Variants in PCDHGA3 observed in about 807,000 individuals in gnomAD.
PCDHGA3 encodes the protein protocadherin gamma subfamily A, 3.
Under a neutral mutation model 58.5 loss-of-function variants are expected in PCDHGA3, and 40 were observed. The ratio of observed to expected loss-of-function variants is 0.68; its 90% CI spans 0.53 to 0.89. The LOEUF is 0.89. Ranked by LOEUF, PCDHGA3 falls within the 40% of genes least tolerant of loss-of-function variation. The pLI is 0.00. For synonymous variants in PCDHGA3, 530 were observed against 525.7 expected (o/e 1.01, Z -0.11); for missense variants, 1,223 against 1,195.9 (o/e 1.02, Z -0.33).
chr5:141,510,272 TA>T (rs546154379), intron 3 of PCDHGA3, among the ~76,000 whole-genome samples: 4,704 of 130,308 alleles, frequency 0.036, 80 homozygotes, highest in South Asian at 0.057. Flanking sequence ...GACTCCATCT[TA>T]AAAAAAAAAA....
At chr5:141,427,901 G>T in intron 1 of PCDHGA3, 1 of 1,572,232 alleles carries the variant, frequency 6.4e-7, no homozygotes. Flanking sequence ...GCTCGCCCGC[G>T]CTCAGCGCCA....
In PCDHGA3 at chr5:141,511,351, C is replaced by A. The variant is rs1190324197; in HGVS notation, c.*178C>A. 11 of 1,386,432 alleles carry A rather than the reference C, an allele frequency of 7.9e-6. No individual in the cohort carries two copies. Among genetic ancestry groups the A allele is most frequent in the South Asian group, 4.5e-5 (3 of 67,158 alleles). The allele number at this position is 1,386,432 out of a possible 1,614,324, so 85.9% of individuals were successfully genotyped here. On this transcript the variant is annotated 3_prime_UTR_variant, in exon 4 of 4. Transcript: ENST00000253812. ...CCAGTCAGCACCTACCCCTTCCCCC[C>A]CAGGGGGTTGAATATGCAAAAGCAG...
rs1352437587 is a variant in PCDHGA3 at position 141,389,683 on chromosome 5, C to T, written c.2424+43226C>T. The stretch of plus-strand genomic sequence containing the variant: ...GTGGACGCAGACTCAGGACACAACG[C>T]CTGGCTGTCCTACCACGTGCTGCAG... On this transcript the variant is annotated intron_variant, in intron 1 of 3. Coordinates refer to ENST00000253812, the MANE Select transcript of PCDHGA3 (RefSeq NM_018916.4). 14 of 1,612,374 alleles carry T rather than the reference C, an allele frequency of 8.7e-6. No individual in the cohort carries two copies. In the Admixed American group the frequency reaches 2.3e-4, roughly 27 times the overall value.
chr5:141,372,910 A>AT, intron 1 of PCDHGA3: 1 of 1,053,676 alleles, frequency 9.5e-7, no homozygotes, highest in East Asian at 2.6e-5. Flanking sequence ...TGATTACATT[A>AT]TTTTATTGAT....
intron 1 of PCDHGA3, chr5:141,399,778 C>A (rs187080333): frequency 6.2e-7 from 1 of 1,613,250 alleles, no homozygotes; most frequent in African/African-American, 1.3e-5. Context: ...GGTGGGCGAC[C>A]GAAACGACAA....
Position 141,511,508 on chromosome 5 carries a change from C to T in PCDHGA3, c.*335C>T, listed in dbSNP as rs1339517659. 7.8e-6 allele frequency: 3 copies of T among 385,970 alleles called. No individual in the cohort carries two copies. Among genetic ancestry groups the T allele is most frequent in the Non-Finnish European group, 1.5e-5 (3 of 206,164 alleles). The allele number at this position is 385,970 out of a possible 1,614,324, so 23.9% of individuals were successfully genotyped here. Reference sequence around the variant, plus strand: ...TCCTCCATCTTCCAAATCAATCAGGCCCATCCATCCCATGCCTCCCTCCTC... The same window carrying T: ...TCCTCCATCTTCCAAATCAATCAGGTCCATCCATCCCATGCCTCCCTCCTC... On this transcript the variant is annotated 3_prime_UTR_variant, in exon 4 of 4. Coordinates refer to ENST00000253812, the MANE Select transcript of PCDHGA3 (RefSeq NM_018916.4).
chr5:141,390,170 T>C lies in PCDHGA3; in HGVS notation c.2424+43713T>C, dbSNP rs773539625. 5 of 1,613,940 alleles carry C rather than the reference T, an allele frequency of 3.1e-6. No individual in the cohort carries two copies. In the African/African-American group the frequency reaches 6.7e-5, roughly 22 times the overall value. ...TTGCACATACAGGAAAGACGGAGTTTAATTTCCTAAAATGTAGTGAGCAGT... is the reference window on the plus strand; with the variant it reads ...TTGCACATACAGGAAAGACGGAGTTCAATTTCCTAAAATGTAGTGAGCAGT... On this transcript the variant is annotated intron_variant, in intron 1 of 3. Transcript: ENST00000253812.
chr5:141,403,040 C>CA (rs1195249780), intron 1 of PCDHGA3: 1 of 1,613,950 alleles, frequency 6.2e-7, no homozygotes, highest in Non-Finnish European at 8.5e-7. Flanking sequence ...CAGGGCCAGT[C>CA]AGATTCGCTA....
At position 141,497,540 on chromosome 5, in the gene PCDHGA3, C is replaced by CT. The variant is rs754207034; in HGVS notation, c.2483+2693dup. On this transcript the variant is annotated intron_variant, in intron 2 of 3. Transcript: ENST00000253812. Reference sequence around the variant, plus strand: ...TTAACTTGTGGAGGATGCAACAAACCTTTTTTTTTTTTTTTTTTAGACAGA... The same window carrying CT: ...TTAACTTGTGGAGGATGCAACAAACCTTTTTTTTTTTTTTTTTTTAGACAGA... Among the ~76,000 whole-genome samples, 618 of 134,908 alleles carry CT rather than the reference C, an allele frequency of 4.6e-3. 3 individuals carry two copies. The highest frequency in any genetic ancestry group is 0.012 in the African/African-American group (419 of 35,974). 88.5% of individuals were successfully genotyped at this position (134,908 alleles called of 152,430 possible). A position where few individuals can be genotyped will look rare whatever the true frequency, so the allele number is the denominator to read the frequency against.
At chr5:141,372,292 G>T in intron 1 of PCDHGA3, 1 of 1,613,282 alleles carries the variant, frequency 6.2e-7, no homozygotes, top group Non-Finnish European at 8.5e-7. Context: ...CGTACCTTGG[G>T]CGACAGGGAG....
intron 1 of PCDHGA3, chr5:141,409,940 C>T (rs1368587420): frequency 1.2e-5 from 19 of 1,613,118 alleles, no homozygotes; most frequent in Non-Finnish European, 1.6e-5. Context: ...TATGGTACCT[C>T]GCTCTGCAGA....
intron 1 of PCDHGA3, among the ~76,000 whole-genome samples, chr5:141,433,449 T>C (rs2097611087): frequency 6.6e-6 from 1 of 152,068 alleles, no homozygotes; most frequent in Non-Finnish European, 1.5e-5. Context: ...TTGAGCAGGC[T>C]GATCTGAAAC....
intron 1 of PCDHGA3, among the ~76,000 whole-genome samples, chr5:141,373,529 AG>A (rs1769656388): frequency 6.6e-6 from 1 of 152,196 alleles, no homozygotes; most frequent in African/African-American, 2.4e-5. Context: ...TCTCCAAAAA[AG>A]TGTTTGTGGT....
chr5:141,356,322 T>A, intron 1 of PCDHGA3: 5 of 1,554,272 alleles, frequency 3.2e-6, no homozygotes, highest in Non-Finnish European at 4.4e-6. Context: ...TGCATGACAG[T>A]GACTCAGGAG....
intron 1 of PCDHGA3, among the ~76,000 whole-genome samples, chr5:141,467,297 CT>C (rs1229166213): frequency 2.0e-5 from 3 of 152,182 alleles, no homozygotes; most frequent in African/African-American, 7.2e-5. Context: ...AAGTGATCCA[CT>C]CACCTCGGCC....
At chr5:141,423,140 C>T (rs760216287) in intron 1 of PCDHGA3, 7 of 1,613,498 alleles carry the variant, frequency 4.3e-6, no homozygotes, top group Non-Finnish European at 2.5e-6. Flanking sequence ...GACAGAGACG[C>T]GCTCAAGCAG....
At chr5:141,430,383 G>A (rs527531595) in intron 1 of PCDHGA3, among the ~76,000 whole-genome samples, 74 of 138,604 alleles carry the variant, frequency 5.3e-4, no homozygotes, top group Admixed American at 8.6e-4. Flanking sequence ...AGCTCATTGG[G>A]AAAAAAAAAA....
At chr5:141,473,169 C>T (rs141382764) in intron 1 of PCDHGA3, among the ~76,000 whole-genome samples, 2 of 152,286 alleles carry the variant, frequency 1.3e-5, no homozygotes, top group East Asian at 3.9e-4. Context: ...GGAAGGCCCA[C>T]TGGTAACTTG....
rs762433242 is a variant in PCDHGA3, at chr5:141,476,856, C to A, written c.2425-17951C>A. 2.5e-6 allele frequency: 4 copies of A among 1,613,762 alleles called. No individual in the cohort carries two copies. In the East Asian group the frequency reaches 6.7e-5, roughly 27 times the overall value. ...GACAATGCGCCTGTCTTCAACCAGTCCTTGTACCGGGCGCGCGTCCTGGAG... is the reference window on the plus strand; with the variant it reads ...GACAATGCGCCTGTCTTCAACCAGTACTTGTACCGGGCGCGCGTCCTGGAG... On this transcript the variant is annotated intron_variant, in intron 1 of 3. Coordinates refer to ENST00000253812, the MANE Select transcript of PCDHGA3 (RefSeq NM_018916.4). This position sits in a 1 kb window ranked among gnomAD's most constrained non-coding sequence, Gnocchi z 7.6.
Sources: gnomAD v4.1 joint callset for allele counts (sites outside exome capture counted in the v4.1 genomes callset) on GRCh38, gnomAD v4.1.1 for gene constraint, Gnocchi (gnomAD v3.1) non-coding constraint, MANE v1.5 for transcripts, NCBI Gene and HGNC (gene_info 2026-07-23, HGNC 2026-07-21) for gene names.